Variants in SMPD3 observed in about 807,000 individuals in gnomAD.
The protein encoded by SMPD3 is sphingomyelin phosphodiesterase 3.
In SMPD3, 21 loss-of-function variants were observed where a neutral mutation model predicts 55.7. The ratio of observed to expected loss-of-function variants is 0.38; its 90% CI spans 0.27 to 0.54. The LOEUF is 0.54. Among genes scored for constraint, SMPD3 ranks in the 20% least tolerant of loss-of-function variants. The pLI, the probability that SMPD3 is intolerant of heterozygous loss-of-function variation, is 0.80. For synonymous variants in SMPD3, 457 were observed against 404.3 expected, an observed-to-expected ratio of 1.13 and a Z score of -1.56; for missense variants, 842 against 899.6, an observed-to-expected ratio of 0.94 and a Z score of 0.82.
chr16:68,402,307 G>A (rs6499174), intron 1 of SMPD3, among the ~76,000 whole-genome samples: 11,569 of 152,184 alleles, frequency 0.076, 1,332 homozygotes, highest in African/African-American at 0.25. Flanking sequence ...CTAGGAAGGG[G>A]GCTGCATCTG....
chr16:68,393,064 G>A (rs1429500723), intron 1 of SMPD3, among the ~76,000 whole-genome samples: 4 of 152,108 alleles, frequency 2.6e-5, no homozygotes, highest in Non-Finnish European at 5.9e-5. Flanking sequence ...AGCCCAAACA[G>A]ACTTATACAA....
Position 68,371,638 on chromosome 16 carries a change from C to T in SMPD3, c.544G>A (p.Ala182Thr), listed in dbSNP as rs746072742. The stretch of plus-strand genomic sequence containing the variant: ...GGTGACACCAGGCTGCTGAAGCTAG[C>T]GGCGCTGATGGAGGTATTGGTGGGG... Reference protein sequence around the residue: ...DSPTNTSISAASFSSLVSPQG... With the variant: ...DSPTNTSISATSFSSLVSPQG... The change falls in exon 3 of 9, where the codon GCT becomes ACT. Residue 182 changes from alanine (A) to threonine (T), a missense_variant. Transcript: ENST00000219334. The T allele has an allele frequency of 2.7e-5, 43 of 1,564,760 alleles. 1 individual carries two copies. In the East Asian group the frequency reaches 6.1e-4, roughly 22 times the overall value.
chr16:68,376,015 G>A (rs753376987), intron 2 of SMPD3, among the ~76,000 whole-genome samples: 4 of 152,226 alleles, frequency 2.6e-5, no homozygotes, highest in Non-Finnish European at 4.4e-5. Flanking sequence ...AGCCGCTGGC[G>A]CAGGAGACAC....
chr16:68,393,468 G>T (rs1045930623), intron 1 of SMPD3, among the ~76,000 whole-genome samples: 1 of 152,204 alleles, frequency 6.6e-6, no homozygotes, highest in Non-Finnish European at 1.5e-5. Context: ...CCTGGTTCAG[G>T]TAACTGTATG....
intron 1 of SMPD3, among the ~76,000 whole-genome samples, chr16:68,443,972 T>C (rs1307472081): frequency 6.6e-6 from 1 of 152,212 alleles, no homozygotes; most frequent in East Asian, 1.9e-4. Context: ...TGCCACCACC[T>C]ACCTCACAGG....
Position 68,404,990 on chromosome 16 carries a change from G to C in SMPD3, c.-268-18331C>G, listed in dbSNP as rs561174745. Among the ~76,000 whole-genome samples, 2 of 152,210 alleles carry C rather than the reference G, an allele frequency of 1.3e-5. No homozygotes were observed. Among genetic ancestry groups the C allele is most frequent in the African/African-American group, 2.4e-5 (1 of 41,448 alleles). On this transcript the variant is annotated intron_variant, in intron 1 of 8. Transcript: ENST00000219334. This position sits in a 1 kb window ranked among gnomAD's most constrained non-coding sequence, Gnocchi z 4.0. ...CTCTTATCCGGGCATTTGGTAACTC[G>C]AGGAAAATGGACTTTTCCTCTTCTG...
chr16:68,366,488 C>T (rs190211660), intron 3 of SMPD3, among the ~76,000 whole-genome samples: 94 of 152,360 alleles, frequency 6.2e-4, no homozygotes, highest in Non-Finnish European at 9.0e-4. Context: ...ACAGCATCCC[C>T]GCCCCCCGAA....
intron 2 of SMPD3, among the ~76,000 whole-genome samples, chr16:68,375,175 C>T (rs183205519): frequency 4.6e-5 from 7 of 152,176 alleles, no homozygotes; most frequent in Admixed American, 2.0e-4. Context: ...CAGTGTGCAG[C>T]GGGTCCTCCC....
chr16:68,385,593 C>G (rs2090039368), intron 2 of SMPD3, among the ~76,000 whole-genome samples: 1 of 152,124 alleles, frequency 6.6e-6, no homozygotes, highest in African/African-American at 2.4e-5. Flanking sequence ...CCCAAATCTC[C>G]CTGCCCCCAG....
intron 1 of SMPD3, among the ~76,000 whole-genome samples, 195 bp from the exon 2 acceptor site, chr16:68,386,854 G>C (rs1363135810): frequency 1.3e-5 from 2 of 152,232 alleles, no homozygotes; most frequent in Non-Finnish European, 2.9e-5. Flanking sequence ...ACGAAGTGCA[G>C]TCCCAGTGGG....
chr16:68,440,728 A>G (rs1398560675), intron 1 of SMPD3, among the ~76,000 whole-genome samples: 2 of 152,222 alleles, frequency 1.3e-5, no homozygotes, highest in African/African-American at 4.8e-5. Context: ...TAAGTGGCAG[A>G]GTAGCTTTGA....
At chr16:68,420,410 T>C (rs932903635) in intron 1 of SMPD3, among the ~76,000 whole-genome samples, 1 of 152,256 alleles carries the variant, frequency 6.6e-6, no homozygotes, top group Non-Finnish European at 1.5e-5. Context: ...CTCAGCCTGG[T>C]ACGGAGCCTA....
At chr16:68,383,661 C>T (rs2089997192) in intron 2 of SMPD3, among the ~76,000 whole-genome samples, 1 of 152,194 alleles carries the variant, frequency 6.6e-6, no homozygotes, top group South Asian at 2.1e-4. Flanking sequence ...TCTTCCCTCC[C>T]TTCTCGGCTG....
At chr16:68,361,847 CAG>C in intron 7 of SMPD3, 88 bp from the exon 8 acceptor site, 4 of 1,392,408 alleles carry the variant, frequency 2.9e-6, no homozygotes, top group Middle Eastern at 2.4e-4. Flanking sequence ...GGTCTCCTCC[CAG>C]TGTGGGAGCG....
intron 1 of SMPD3, among the ~76,000 whole-genome samples, chr16:68,402,707 G>A (rs2090221124): frequency 6.6e-6 from 1 of 152,200 alleles, no homozygotes; most frequent in Non-Finnish European, 1.5e-5. Context: ...GCCACAAAGA[G>A]GCAACAAGGT....
In SMPD3 at chr16:68,372,349, G is replaced by T. The variant is rs918279371; in HGVS notation, c.-168C>A. On this transcript the variant is annotated 5_prime_UTR_variant, in exon 3 of 9. Transcript: ENST00000219334. ...GGCGAATGTTGGCCAGCCGGTCATGGTTCACCTCGGTGGGCCATGCGGAGG... is the reference window on the plus strand; with the variant it reads ...GGCGAATGTTGGCCAGCCGGTCATGTTTCACCTCGGTGGGCCATGCGGAGG... 40 of 866,408 alleles carry T rather than the reference G, an allele frequency of 4.6e-5. No homozygotes were observed. Among genetic ancestry groups the T allele is most frequent in the Non-Finnish European group, 6.4e-5 (36 of 560,110 alleles). 53.7% of individuals were successfully genotyped at this position (866,408 alleles called of 1,614,324 possible). A position where few individuals can be genotyped will look rare whatever the true frequency, so the allele number is the denominator to read the frequency against.
chr16:68,446,037 A>G (rs1017896861), intron 1 of SMPD3, among the ~76,000 whole-genome samples: 7 of 152,202 alleles, frequency 4.6e-5, no homozygotes, highest in Admixed American at 4.6e-4. Flanking sequence ...CCTTCCAGAC[A>G]TGGAGGCCAA....
At chr16:68,428,361 G>A (rs944210027) in intron 1 of SMPD3, among the ~76,000 whole-genome samples, 1 of 152,160 alleles carries the variant, frequency 6.6e-6, no homozygotes, top group Non-Finnish European at 1.5e-5. Flanking sequence ...AGCCACACAG[G>A]CTGCCTCAAA....
At chr16:68,380,480 C>T (rs1330800020) in intron 2 of SMPD3, among the ~76,000 whole-genome samples, 2 of 152,256 alleles carry the variant, frequency 1.3e-5, no homozygotes, top group Admixed American at 6.5e-5. Context: ...GTGCTGAGGC[C>T]TGTGCCTGGG....
Sources: allele counts gnomAD v4.1 joint callset (sites outside exome capture counted in the v4.1 genomes callset), GRCh38; gene constraint gnomAD v4.1.1; non-coding constraint Gnocchi (gnomAD v3.1); transcripts MANE v1.5; gene names NCBI Gene and HGNC (gene_info 2026-07-23, HGNC 2026-07-21).